The following PLCB4 variants were observed in gnomAD, a reference collection of about 807,000 sequenced individuals.
The protein encoded by PLCB4 is 1-phosphatidylinositol 4,5-bisphosphate phosphodiesterase beta-4.
Under a neutral mutation model 178.8 loss-of-function variants are expected in PLCB4, and 77 were observed. The ratio of observed to expected loss-of-function variants is 0.43; its 90% confidence interval spans 0.36 to 0.52. PLCB4 has a LOEUF of 0.52. Ranked by LOEUF, PLCB4 falls within the 20% of genes least tolerant of loss-of-function variation. PLCB4 has a pLI of 0.00. For synonymous variants in PLCB4, 496 were observed against 490.8 expected, an observed-to-expected ratio of 1.01 and a Z score of -0.14; for missense variants, 1,024 against 1,453.4, an observed-to-expected ratio of 0.70 and a Z score of 4.80.
intron 3 of PLCB4, among the ~76,000 whole-genome samples, chr20:9,241,470 G>A (rs1569003798): frequency 6.6e-6 from 1 of 151,466 alleles, no homozygotes; most frequent in Non-Finnish European, 1.5e-5. Context: ...AAGCAGAATG[G>A]GAAACAAAAT....
chr20:9,256,362 C>T (rs576662533), intron 3 of PLCB4, among the ~76,000 whole-genome samples: 145 of 152,248 alleles, frequency 9.5e-4, no homozygotes, highest in African/African-American at 3.4e-3. Context: ...CATCCTGTAC[C>T]TCCAGTGTCA....
At chr20:9,436,776 T>G (rs910647106) in intron 29 of PLCB4, among the ~76,000 whole-genome samples, 1 of 152,218 alleles carries the variant, frequency 6.6e-6, no homozygotes, top group African/African-American at 2.4e-5. Context: ...GACTCCTCAG[T>G]TTGGAATGGA....
chr20:9,234,341 C>T (rs2093969065), intron 3 of PLCB4, among the ~76,000 whole-genome samples: 1 of 152,002 alleles, frequency 6.6e-6, no homozygotes, highest in African/African-American at 2.4e-5. Context: ...GCTGGGGATG[C>T]AGAAGTGATT....
intron 3 of PLCB4, among the ~76,000 whole-genome samples, chr20:9,262,223 G>T (rs1009222711): frequency 6.6e-6 from 1 of 152,152 alleles, no homozygotes; most frequent in Non-Finnish European, 1.5e-5. Flanking sequence ...AAAAGTGGAA[G>T]ATCAGAGACA....
At chr20:9,081,321 C>T (rs1222166953) in intron 1 of PLCB4, among the ~76,000 whole-genome samples, 1 of 152,202 alleles carries the variant, frequency 6.6e-6, no homozygotes, top group East Asian at 1.9e-4. Context: ...ATTTGTTTTC[C>T]TAATTTGCCA....
chr20:9,141,169 T>G (rs2092482771), intron 2 of PLCB4, among the ~76,000 whole-genome samples: 1 of 152,138 alleles, frequency 6.6e-6, no homozygotes, highest in South Asian at 2.1e-4. Flanking sequence ...GCCCTAAATC[T>G]GTACTCAGAG....
intron 19 of PLCB4, among the ~76,000 whole-genome samples, chr20:9,396,609 G>A (rs546209485): frequency 1.3e-5 from 2 of 152,268 alleles, no homozygotes; most frequent in Non-Finnish European, 2.9e-5. Flanking sequence ...ATTGATGAAC[G>A]AAATGACAAG....
chr20:9,238,013 G>T (rs1243520745), intron 3 of PLCB4, among the ~76,000 whole-genome samples: 1 of 152,132 alleles, frequency 6.6e-6, no homozygotes, highest in African/African-American at 2.4e-5. Flanking sequence ...TCACGTAGAG[G>T]CATGCAGGTT....
chr20:9,072,140 G>A (rs1297452773), intron 1 of PLCB4, among the ~76,000 whole-genome samples: 2 of 152,190 alleles, frequency 1.3e-5, no homozygotes, highest in African/African-American at 2.4e-5. Flanking sequence ...AATAAATACA[G>A]CTTTTCATCG....
chr20:9,397,529 A>C (rs1175279226), intron 19 of PLCB4, among the ~76,000 whole-genome samples: 2 of 152,342 alleles, frequency 1.3e-5, no homozygotes, highest in Middle Eastern at 3.4e-3. Context: ...ATCAGAGGAC[A>C]TTCTCTTTTA....
At chr20:9,166,484 G>A (rs577917485) in intron 2 of PLCB4, 2 of 152,266 alleles carry the variant, frequency 1.3e-5, no homozygotes, top group African/African-American at 4.8e-5. Context: ...ACTTTGTAGC[G>A]GAGGGGTGGG....
chr20:9,357,058 G>C (rs1257714275), intron 7 of PLCB4, among the ~76,000 whole-genome samples: 5 of 152,134 alleles, frequency 3.3e-5, no homozygotes, highest in Non-Finnish European at 7.4e-5. Context: ...CAAGGCAGCA[G>C]TGAGCCTTGA....
chr20:9,363,936 G>A, intron 8 of PLCB4, among the ~76,000 whole-genome samples: 1 of 152,196 alleles, frequency 6.6e-6, no homozygotes, highest in African/African-American at 2.4e-5. Flanking sequence ...GCTTACAGGT[G>A]TGGTCTCTAG....
chr20:9,259,324 T>A (rs1336981514), intron 3 of PLCB4, among the ~76,000 whole-genome samples: 1 of 152,224 alleles, frequency 6.6e-6, no homozygotes, highest in African/African-American at 2.4e-5. Flanking sequence ...ATTGTAAATG[T>A]TATTCATCCA....
intron 9 of PLCB4, among the ~76,000 whole-genome samples, chr20:9,369,694 C>T (rs2036080615): frequency 6.6e-6 from 1 of 152,176 alleles, no homozygotes; most frequent in South Asian, 2.1e-4. Flanking sequence ...AATTCATTTA[C>T]CTACAGCTAC....
At chr20:9,349,364 T>C (rs1278017768) in intron 7 of PLCB4, among the ~76,000 whole-genome samples, 2 of 152,246 alleles carry the variant, frequency 1.3e-5, no homozygotes, top group Non-Finnish European at 2.9e-5. Flanking sequence ...CTTTCCTTTT[T>C]ATATGCAGTT....
chr20:9,374,896 C>G (rs1389278473), intron 12 of PLCB4, among the ~76,000 whole-genome samples: 1 of 152,004 alleles, frequency 6.6e-6, no homozygotes, highest in African/African-American at 2.4e-5. Context: ...AACCTTTTAT[C>G]CCTCACAATT....
chr20:9,342,641 C>G (rs35208529), intron 7 of PLCB4, among the ~76,000 whole-genome samples: 10,469 of 147,988 alleles, frequency 0.071, 392 homozygotes, highest in Middle Eastern at 0.1. Flanking sequence ...TGTTGCGTGG[C>G]TTTTATGTTT....
At chr20:9,476,617 T>G in intron 38 of PLCB4, 100 bp from the exon 39 acceptor site, 1 of 828,864 alleles carries the variant, frequency 1.2e-6, no homozygotes, top group Non-Finnish European at 2.0e-6. Context: ...TTTCTGTATA[T>G]GGTTTTGCAT....
Sources: allele counts gnomAD v4.1 joint callset (sites outside exome capture counted in the v4.1 genomes callset), GRCh38; gene constraint gnomAD v4.1.1; transcripts MANE v1.5; gene names NCBI Gene and HGNC (gene_info 2026-07-23, HGNC 2026-07-21).